Variants in SV2C observed in about 807,000 individuals in gnomAD.
SV2C encodes the protein synaptic vesicle glycoprotein 2C.
Under a neutral mutation model 79.7 loss-of-function variants are expected in SV2C, and 49 were observed. The ratio of observed to expected loss-of-function variants is 0.61; its 90% CI spans 0.49 to 0.78. SV2C has a LOEUF of 0.78. Among genes scored for constraint, SV2C ranks in the 30% least tolerant of loss-of-function variants. SV2C has a pLI of 0.00. For synonymous variants in SV2C, 334 were observed against 333.2 expected (o/e 1.00, Z -0.03); for missense variants, 833 against 912.9 (o/e 0.91, Z 1.13).
the SV2C span, among the ~76,000 whole-genome samples, chr5:76,039,580 A>G: frequency 5.9e-5 from 9 of 151,998 alleles, no homozygotes; most frequent in Non-Finnish European, 1.5e-5. Context: ...ACATGGTGAA[A>G]CCCTGTCTCT....
intron 4 of SV2C, among the ~76,000 whole-genome samples, chr5:76,231,405 G>A (rs1745414024): frequency 2.0e-5 from 3 of 151,876 alleles, no homozygotes; most frequent in Non-Finnish European, 2.9e-5. Flanking sequence ...AATGTACTGA[G>A]GCTTGCTGCA....
chr5:76,252,618 A>G (rs10474467), intron 4 of SV2C, among the ~76,000 whole-genome samples: 149,729 of 152,346 alleles, frequency 0.98, 73,586 homozygotes, highest in East Asian at 1. Flanking sequence ...TGGTGAGAAC[A>G]TGACTCACTC....
At chr5:75,938,299 T>TAC in the SV2C span, among the ~76,000 whole-genome samples, 1 of 31,196 alleles carries the variant, frequency 3.2e-5, no homozygotes, top group Non-Finnish European at 5.6e-5. Context: ...GAACTGCCTG[T>TAC]ATATGCTCAA....
the SV2C span, among the ~76,000 whole-genome samples, chr5:75,870,343 T>C: frequency 2.0e-5 from 3 of 151,868 alleles, no homozygotes. Flanking sequence ...AGCAGAAATC[T>C]GGAGCTGTGA....
At chr5:76,080,587 C>G (rs1746970955), upstream of SV2C, among the ~76,000 whole-genome samples, 2 of 152,222 alleles carry the variant, frequency 1.3e-5, no homozygotes, top group Admixed American at 1.3e-4. Flanking sequence ...ACCACTATAG[C>G]ATCTGTACTT....
At chr5:76,312,699 C>T (rs966706279) in intron 12 of SV2C, among the ~76,000 whole-genome samples, 7 of 152,228 alleles carry the variant, frequency 4.6e-5, no homozygotes, top group Non-Finnish European at 8.8e-5. Flanking sequence ...GTCGTTTGGC[C>T]GCATGTTCCT....
intron 8 of SV2C, among the ~76,000 whole-genome samples, chr5:76,294,483 G>A (rs1352333530): frequency 2.6e-5 from 4 of 151,966 alleles, no homozygotes; most frequent in Non-Finnish European, 5.9e-5. Context: ...TGTATTTTTA[G>A]TAGAGGTAGG....
At chr5:76,208,826 G>A (rs1040287269) in intron 3 of SV2C, among the ~76,000 whole-genome samples, 12 of 152,186 alleles carry the variant, frequency 7.9e-5, no homozygotes, top group Non-Finnish European at 1.3e-4. Flanking sequence ...TGCTTGGAGT[G>A]ATAGTAATAT....
the SV2C span, among the ~76,000 whole-genome samples, chr5:75,877,610 A>C: frequency 2.0e-5 from 3 of 149,302 alleles, no homozygotes; most frequent in Admixed American, 6.7e-5. Context: ...AAAAAAAAAA[A>C]AATCAAATTG....
At chr5:76,249,766 T>C (rs983990564) in intron 4 of SV2C, among the ~76,000 whole-genome samples, 1 of 152,194 alleles carries the variant, frequency 6.6e-6, no homozygotes, top group African/African-American at 2.4e-5. Context: ...TAGGTGTGTG[T>C]TGCTGATGCG....
chr5:75,908,063 T>A, the SV2C span, among the ~76,000 whole-genome samples: 1 of 152,172 alleles, frequency 6.6e-6, no homozygotes, highest in Non-Finnish European at 1.5e-5. Flanking sequence ...AAAAAAAAAA[T>A]TGCAAGTTTC....
chr5:76,055,899 T>A, the SV2C span, among the ~76,000 whole-genome samples: 1 of 152,172 alleles, frequency 6.6e-6, no homozygotes, highest in Non-Finnish European at 1.5e-5. Context: ...GTTTTGGGGC[T>A]GAGACAATGG....
chr5:76,180,577 A>C (rs775714059), intron 2 of SV2C, among the ~76,000 whole-genome samples: 12 of 152,116 alleles, frequency 7.9e-5, no homozygotes, highest in Non-Finnish European at 1.5e-4. Flanking sequence ...GTGACATGGT[A>C]CCCTCTTGCT....
chr5:76,309,042 T>A (rs2972845), intron 12 of SV2C, among the ~76,000 whole-genome samples: 82,076 of 151,822 alleles, frequency 0.54, 22,939 homozygotes, highest in African/African-American at 0.67. Context: ...TGAAAGAAGT[T>A]CCATTTAATT....
rs1297519505 is a variant in SV2C at position 76,323,669 on chromosome 5, A to T, written c.2001-1695A>T. On this transcript the variant is annotated intron_variant, in intron 12 of 12. Transcript: ENST00000502798. ...TATCAATGATAGACTGGATAAAGCAAATGTGGTACATGTACACCATGGAAT... is the reference window on the plus strand; with the variant it reads ...TATCAATGATAGACTGGATAAAGCATATGTGGTACATGTACACCATGGAAT... Among the ~76,000 whole-genome samples the T allele has an allele frequency of 3.3e-5, 5 of 152,388 alleles. No homozygotes were observed. The South Asian group carries it at 1.0e-3, about 32-fold the overall frequency.
chr5:76,177,224 ATTAATCTG>A (rs1743564439), intron 2 of SV2C, among the ~76,000 whole-genome samples: 5 of 55,474 alleles, frequency 9.0e-5, no homozygotes, highest in South Asian at 1.1e-3. Context: ...ATACAAATAT[ATTAATCTG>A]TATATATGAT....
chr5:75,988,627 G>GGAA, the SV2C span, among the ~76,000 whole-genome samples: 1 of 151,896 alleles, frequency 6.6e-6, no homozygotes, highest in Non-Finnish European at 1.5e-5. Context: ...TTTTCCCCAT[G>GGAA]GAAGAGCACA....
At chr5:75,926,673 G>GA in the SV2C span, among the ~76,000 whole-genome samples, 1 of 152,036 alleles carries the variant, frequency 6.6e-6, no homozygotes, top group Non-Finnish European at 1.5e-5. Flanking sequence ...CTGACAAATA[G>GA]AAAAAAGAAC....
the SV2C span, among the ~76,000 whole-genome samples, chr5:75,890,327 T>C: frequency 6.6e-6 from 1 of 152,078 alleles, no homozygotes; most frequent in Non-Finnish European, 1.5e-5. Context: ...TTATTATACA[T>C]AGAATACAGT....
Sources: allele counts gnomAD v4.1 joint callset (sites outside exome capture counted in the v4.1 genomes callset), GRCh38; gene constraint gnomAD v4.1.1; transcripts MANE v1.5; gene names NCBI Gene and HGNC (gene_info 2026-07-23, HGNC 2026-07-21).